Variants in PTK7 observed in about 807,000 individuals in gnomAD.
PTK7 encodes protein tyrosine kinase 7 (inactive), also known as inactive tyrosine-protein kinase 7.
A neutral mutation model predicts 116.6 loss-of-function variants in PTK7; 39 were observed. The ratio of observed to expected loss-of-function variants is 0.33; its 90% CI spans 0.26 to 0.44. The LOEUF (loss-of-function observed/expected upper bound fraction) is 0.44, where lower values mean the gene tolerates loss of function less well. PTK7 is among the 20% of genes least tolerant of loss of function. The pLI is 1.00. For synonymous variants in PTK7, 546 were observed against 563.6 expected, an observed-to-expected ratio of 0.97 and a Z score of 0.44; for missense variants, 1,169 against 1,425.6, an observed-to-expected ratio of 0.82 and a Z score of 2.90.
chr6:43,130,113 C>A, intron 3 of PTK7, 117 bp from the exon 4 acceptor site: 1 of 1,120,658 alleles, frequency 8.9e-7, no homozygotes, highest in Non-Finnish European at 1.3e-6. Context: ...TTCCCTTCCT[C>A]AGGCCGTTTC....
chr6:43,133,177 T>C (rs780037766), intron 7 of PTK7: 1 of 223,590 alleles, frequency 4.5e-6, no homozygotes, highest in East Asian at 9.4e-5. Flanking sequence ...TTTTAATTTG[T>C]TTTAGTTTGT....
intron 1 of PTK7, among the ~76,000 whole-genome samples, chr6:43,108,377 G>A (rs1327798012): frequency 2.7e-5 from 4 of 150,780 alleles, no homozygotes; most frequent in Admixed American, 2.0e-4. Flanking sequence ...TTATGGGCAT[G>A]AGCCACCGCG....
intron 13 of PTK7, 132 bp downstream of exon 13, chr6:43,142,431 C>G: frequency 7.4e-7 from 1 of 1,345,634 alleles, no homozygotes; most frequent in South Asian, 1.2e-5. Context: ...TCGGCCGTCT[C>G]ACCATGCTGC....
At chr6:43,160,475 C>G (rs1161522540) in intron 19 of PTK7, among the ~76,000 whole-genome samples, 1 of 152,210 alleles carries the variant, frequency 6.6e-6, no homozygotes, top group African/African-American at 2.4e-5. Flanking sequence ...CCAGTGCCCA[C>G]TCCAGCCACT....
In PTK7 at chr6:43,159,919, A is replaced by G; in HGVS notation, c.3005A>G (p.His1002Arg). 2 of 1,614,204 alleles carry G rather than the reference A, an allele frequency of 1.2e-6. No individual in the cohort carries two copies. The highest frequency in any genetic ancestry group is 1.7e-6 in the Non-Finnish European group (2 of 1,180,020). The stretch of plus-strand genomic sequence containing the variant: ...GTGCTGATGTGGGAAGTGTTTACAC[A>G]TGGAGAGATGCCCCATGGTGGGCAG... ...FGVLMWEVFT[H>R]GEMPHGGQAD... Residue 1002 changes from histidine (H) to arginine (R), a missense_variant, in exon 19 of 20, where the codon CAT becomes CGT. Transcript: ENST00000230419.
At chr6:43,140,166 A>G (rs1230589431) in intron 10 of PTK7, among the ~76,000 whole-genome samples, 3 of 152,018 alleles carry the variant, frequency 2.0e-5, no homozygotes, top group African/African-American at 7.3e-5. Flanking sequence ...ATACTGGAAG[A>G]GGCCGGGCGT....
chr6:43,098,345 G>A (rs1293745629), intron 1 of PTK7, among the ~76,000 whole-genome samples: 1 of 151,380 alleles, frequency 6.6e-6, no homozygotes, highest in Admixed American at 6.6e-5. Context: ...AATGCTGCTG[G>A]AAAAAAGAAG....
intron 7 of PTK7, among the ~76,000 whole-genome samples, chr6:43,136,621 G>A (rs1013013142): frequency 5.9e-5 from 9 of 152,132 alleles, no homozygotes; most frequent in Admixed American, 2.0e-4. Context: ...GCTGGGTTCC[G>A]AGAGGGCAAA....
intron 1 of PTK7, among the ~76,000 whole-genome samples, chr6:43,085,318 G>A (rs1766593190): frequency 1.3e-5 from 2 of 152,024 alleles, no homozygotes; most frequent in African/African-American, 4.8e-5. Context: ...AGGCTGGAGT[G>A]CAGTAGTGCG....
chr6:43,120,457 A>G (rs4714667), intron 1 of PTK7, among the ~76,000 whole-genome samples: 19,974 of 152,210 alleles, frequency 0.13, 2,209 homozygotes, highest in East Asian at 0.32. Flanking sequence ...GGGAGGCTGC[A>G]CGGGGCTGCG....
At chr6:43,126,181 G>A (rs1769275160) in intron 1 of PTK7, among the ~76,000 whole-genome samples, 1 of 152,168 alleles carries the variant, frequency 6.6e-6, no homozygotes, top group South Asian at 2.1e-4. Context: ...TTAGCCAGGT[G>A]TGGTGGTGCG....
At chr6:43,122,755 C>A (rs774593159) in intron 1 of PTK7, among the ~76,000 whole-genome samples, 3 of 152,028 alleles carry the variant, frequency 2.0e-5, no homozygotes, top group Non-Finnish European at 2.9e-5. Flanking sequence ...TATAGGCACG[C>A]GCCACCATGC....
rs61671862 is a variant in PTK7, at chr6:43,159,630, A to T, written c.2874-158A>T. 17 of 687,094 alleles carry T rather than the reference A, an allele frequency of 2.5e-5. 1 individual carries two copies. The South Asian group carries it at 2.7e-4, about 11-fold the overall frequency. The allele number at this position is 687,094 out of a possible 1,614,324, so 42.6% of individuals were successfully genotyped here. On this transcript the variant is annotated intron_variant, in intron 18 of 19. Coordinates refer to ENST00000230419, the MANE Select transcript of PTK7 (RefSeq NM_002821.5). ...GTTACCTCCAGATTTTGTCTAGTGT[A>T]CTCCCATGCTCAGCACGCATGTGAC...
At chr6:43,081,678 T>C (rs1169006084) in intron 1 of PTK7, among the ~76,000 whole-genome samples, 2 of 152,228 alleles carry the variant, frequency 1.3e-5, no homozygotes, top group African/African-American at 2.4e-5. Context: ...GTGCTGGGAT[T>C]ACAGGCGTGA....
At chr6:43,113,170 AC>A (rs370280923) in intron 1 of PTK7, among the ~76,000 whole-genome samples, 77 of 152,096 alleles carry the variant, frequency 5.1e-4, no homozygotes, top group Admixed American at 2.0e-3. Context: ...GGTGGCTCAC[AC>A]CTGTAATCCC....
chr6:43,143,396 A>G lies in PTK7; in HGVS notation c.2048-21A>G. On this transcript the variant is annotated intron_variant, in intron 13 of 19. Coordinates refer to ENST00000230419, the MANE Select transcript of PTK7 (RefSeq NM_002821.5). This position sits in a 1 kb window ranked among gnomAD's most constrained non-coding sequence, Gnocchi z 4.2. ...CTTTTGCTTAGCAGCCCCTGCCCAG[A>G]CCCATCTGTGTGTCTCTCAGACAAG... 6.2e-7 allele frequency: 1 copy of G among 1,611,440 alleles called. No individual in the cohort carries two copies. Among genetic ancestry groups the G allele is most frequent in the Admixed American group, 1.7e-5 (1 of 59,548 alleles).
intron 1 of PTK7, among the ~76,000 whole-genome samples, chr6:43,127,083 A>G (rs1769335682): frequency 6.6e-6 from 1 of 152,232 alleles, no homozygotes; most frequent in African/African-American, 2.4e-5. Context: ...CATGCCATAA[A>G]GAACAGAACC....
intron 1 of PTK7, among the ~76,000 whole-genome samples, chr6:43,088,119 G>A (rs938530146): frequency 2.0e-5 from 3 of 151,912 alleles, no homozygotes; most frequent in African/African-American, 7.3e-5. Flanking sequence ...GGAACATAGC[G>A]AGACCCCATC....
chr6:43,145,158 G>A lies in PTK7; in HGVS notation c.2408-42G>A. The A allele has an allele frequency of 6.5e-7, 1 of 1,540,732 alleles. No individual in the cohort carries two copies. The highest frequency in any genetic ancestry group is 8.8e-7 in the Non-Finnish European group (1 of 1,136,066). The stretch of plus-strand genomic sequence containing the variant: ...CTCCCCCAGGTCAGGAGCTGCCTCG[G>A]CCTGGGTGAAGGTGGCTGGCTGACT... On this transcript the variant is annotated intron_variant, in intron 15 of 19. Transcript: ENST00000230419. The surrounding 1 kb of genome is among the most constrained non-coding windows in gnomAD (Gnocchi z 4.8).
Sources: allele counts gnomAD v4.1 joint callset (sites outside exome capture counted in the v4.1 genomes callset), GRCh38; gene constraint gnomAD v4.1.1; non-coding constraint Gnocchi (gnomAD v3.1); transcripts MANE v1.5; gene names NCBI Gene and HGNC (gene_info 2026-07-23, HGNC 2026-07-21).